The following PALB2 variants were observed in gnomAD, a reference collection of about 807,000 sequenced individuals.
PALB2 encodes the protein partner and localizer of BRCA2, also known as mutant partner and localizer of BRCA2.
PALB2 carries 82 observed loss-of-function variants against 107.4 expected under a neutral mutation model. The observed-to-expected ratio is 0.76, with a 90% CI of 0.64 to 0.92. The LOEUF (loss-of-function observed/expected upper bound fraction) is 0.92. PALB2 is among the 40% of genes least tolerant of loss of function. The probability of loss-of-function intolerance (pLI) is 0.00; values close to 1 mark genes in which losing one functional copy is unlikely to be tolerated. For synonymous variants in PALB2, 489 were observed against 496.8 expected (o/e 0.98, Z 0.21); for missense variants, 1,374 against 1,379.9 (o/e 1.00, Z 0.07).
chr16:23,640,867 T>C (rs1214644215), intron 1 of PALB2: 2 of 513,610 alleles, frequency 3.9e-6, no homozygotes, highest in Non-Finnish European at 7.0e-6. Context: ...TACAGCTTTA[T>C]CTACAAACTG....
intron 11 of PALB2, among the ~76,000 whole-genome samples, chr16:23,610,226 A>G (rs1179031198): frequency 6.6e-6 from 1 of 152,178 alleles, no homozygotes; most frequent in Non-Finnish European, 1.5e-5. Flanking sequence ...AGCACAGCTG[A>G]AAGTATTTGC....
In PALB2 at chr16:23,603,236, G is replaced by A. The variant is rs753201862; in HGVS notation, c.*223C>T. The A allele has an allele frequency of 5.6e-5, 29 of 516,556 alleles. No homozygotes were observed. The highest frequency in any genetic ancestry group is 8.4e-5 in the Non-Finnish European group (24 of 287,126). 32.0% of individuals were successfully genotyped at this position (516,556 alleles called of 1,614,324 possible). On this transcript the variant is annotated 3_prime_UTR_variant, in exon 13 of 13. Coordinates refer to ENST00000261584, the MANE Select transcript of PALB2 (RefSeq NM_024675.4). Reference sequence around the variant, plus strand: ...TTTAAAAGCACATGTACAAATGTGGGAAATTACAAAAATCAACCTAAAACC... The same window carrying A: ...TTTAAAAGCACATGTACAAATGTGGAAAATTACAAAAATCAACCTAAAACC...
Position 23,636,152 on chromosome 16 carries a change from C to T in PALB2, c.394G>A (p.Val132Ile), listed in dbSNP as rs1555461807. Reference sequence around the variant, plus strand: ...TTTTGCTCACCACTAGGGTCACTGACCCTGTGGGGAAAATGTTCTTGGGTG... The same window carrying T: ...TTTTGCTCACCACTAGGGTCACTGATCCTGTGGGGAAAATGTTCTTGGGTG... The part of the protein sequence containing the change: ...DDTQEHFPHR[V>I]SDPSGEQKQK... The change falls in exon 4 of 13, where the codon GTC becomes ATC. Residue 132 changes from valine to isoleucine, a missense_variant. Coordinates refer to ENST00000261584, the MANE Select transcript of PALB2 (RefSeq NM_024675.4). 1 of 1,612,538 alleles carries T rather than the reference C, an allele frequency of 6.2e-7. No individual in the cohort carries two copies.
intron 4 of PALB2, among the ~76,000 whole-genome samples, chr16:23,631,199 G>A (rs1168498201): frequency 1.4e-5 from 2 of 140,344 alleles, no homozygotes; most frequent in Non-Finnish European, 3.0e-5. Context: ...AGAATGGCGT[G>A]AACCCAGGAG....
At chr16:23,636,447 A>G in intron 3 of PALB2, 113 bp from the exon 4 acceptor site, 1 of 754,936 alleles carries the variant, frequency 1.3e-6, no homozygotes, top group Non-Finnish European at 2.0e-6. Flanking sequence ...TTAAGAAAGA[A>G]TCAGTGACAT....
chr16:23,623,847 G>C (rs1244957070), intron 8 of PALB2, 162 bp downstream of exon 8: 1 of 636,328 alleles, frequency 1.6e-6, no homozygotes, highest in Non-Finnish European at 2.8e-6. Context: ...AGAAACTTCA[G>C]TCAGGGATGT....
intron 9 of PALB2, among the ~76,000 whole-genome samples, chr16:23,622,162 T>C (rs1024632309): frequency 9.8e-5 from 15 of 152,288 alleles, no homozygotes; most frequent in Admixed American, 3.3e-4. Flanking sequence ...GAGTATATAA[T>C]AGAGAAGATG....
intron 10 of PALB2, among the ~76,000 whole-genome samples, chr16:23,614,389 A>AT (rs777036233): frequency 2.6e-5 from 4 of 152,162 alleles, no homozygotes; most frequent in Non-Finnish European, 5.9e-5. Context: ...AATCAGGCAC[A>AT]TGGTATAGCA....
At chr16:23,626,445 T>A (rs1260047262) in intron 6 of PALB2, 48 bp from the exon 7 acceptor site, 2 of 1,602,598 alleles carry the variant, frequency 1.2e-6, no homozygotes, top group Non-Finnish European at 1.7e-6. Context: ...GAGTGCTGTT[T>A]TATGCAAAGC....
In PALB2 at chr16:23,603,640, C is replaced by T. The variant is rs759944815; in HGVS notation, c.3380G>A (p.Cys1127Tyr). Residue 1127 changes from cysteine to tyrosine, a missense_variant, in exon 13 of 13, where the codon TGT becomes TAT. Coordinates refer to ENST00000261584, the MANE Select transcript of PALB2 (RefSeq NM_024675.4). ...TCCAGAAGTCAAGATTGCTGCTGCA[C>T]AGTGATCTTTCACGTCACCTTCCAG... Reference protein sequence around the residue: ...RFLEGDVKDHCAAAILTSGTI... With the variant: ...RFLEGDVKDHYAAAILTSGTI... The T allele has an allele frequency of 1.2e-6, 2 of 1,613,384 alleles. No individual in the cohort carries two copies. Among genetic ancestry groups the T allele is most frequent in the South Asian group, 2.2e-5 (2 of 91,054 alleles).
rs373415811 is a variant in PALB2 at position 23,628,795 on chromosome 16, G to A, written c.2586+409C>T. 5.3e-4 allele frequency among the ~76,000 whole-genome samples: 81 copies of A among 152,104 alleles called. 3 individuals are homozygous for A. Among genetic ancestry groups the A allele is most frequent in the African/African-American group, 1.4e-3 (58 of 41,502 alleles). ...ATTATAGGCGCCCACCACCACGCCC[G>A]GCTAATTTTTGTATTTTTAGTAGAG... On this transcript the variant is annotated intron_variant, in intron 6 of 12. Transcript: ENST00000261584.
chr16:23,607,242 C>T (rs1966492947), intron 12 of PALB2: 1 of 151,534 alleles, frequency 6.6e-6, no homozygotes, highest in Non-Finnish European at 1.5e-5. Flanking sequence ...GGAAAGAACA[C>T]AAATTATGTT....
At chr16:23,605,648 A>G (rs895987337) in intron 12 of PALB2, among the ~76,000 whole-genome samples, 3 of 152,166 alleles carry the variant, frequency 2.0e-5, no homozygotes, top group Admixed American at 2.0e-4. Flanking sequence ...ACCTCAAGTG[A>G]TCTGCCCGCC....
chr16:23,633,175 T>C (rs1029280864), intron 4 of PALB2, among the ~76,000 whole-genome samples: 1 of 152,248 alleles, frequency 6.6e-6, no homozygotes, highest in South Asian at 2.1e-4. Flanking sequence ...CTTTGTATCC[T>C]TGTTCGCTTA....
intron 6 of PALB2, among the ~76,000 whole-genome samples, chr16:23,628,415 T>C (rs987122014): frequency 4.6e-5 from 7 of 152,224 alleles, no homozygotes; most frequent in Non-Finnish European, 1.5e-5. Context: ...TTCACACCAG[T>C]GATTCTCTGG....
Position 23,636,234 on chromosome 16 carries a change from A to G in PALB2, c.312T>C (p.Pro104=), listed in dbSNP as rs749203259. The part of the protein sequence containing the change: ...EKTSITLDVG[P]ESFNPGDGPG... ...GGCCATCTCCAGGGTTAAAGGACTC[A>G]GGCCCAACATCAAGTGTGATAGATG... The change falls in exon 4 of 13, where the codon CCT becomes CCC. Residue 104 remains proline (P), a synonymous_variant. Coordinates refer to ENST00000261584, the MANE Select transcript of PALB2 (RefSeq NM_024675.4). 68 of 1,613,696 alleles carry G rather than the reference A, an allele frequency of 4.2e-5. No homozygotes were observed. Among genetic ancestry groups the G allele is most frequent in the Non-Finnish European group, 5.8e-5 (68 of 1,179,968 alleles).
rs367995998 is a variant in PALB2 at position 23,620,786 on chromosome 16, A to C, written c.3113+576T>G. Among the ~76,000 whole-genome samples the C allele has an allele frequency of 9.2e-5, 14 of 152,348 alleles. 1 individual carries two copies. The highest frequency in any genetic ancestry group is 3.4e-4 in the African/African-American group (14 of 41,590). ...ATATAGTATCTGACAAAAAAACCACAATCAGGCCGGGCGCAGTGGCTCATG... is the reference window on the plus strand; with the variant it reads ...ATATAGTATCTGACAAAAAAACCACCATCAGGCCGGGCGCAGTGGCTCATG... On this transcript the variant is annotated intron_variant, in intron 10 of 12. Transcript: ENST00000261584.
In PALB2 at chr16:23,608,825, T is replaced by C. The variant is rs201724419; in HGVS notation, c.3202-813A>G. Among the ~76,000 whole-genome samples, 571 of 106,054 alleles carry C rather than the reference T, an allele frequency of 5.4e-3. 6 individuals are homozygous for C. Among genetic ancestry groups the C allele is most frequent in the African/African-American group, 0.022 (506 of 23,400 alleles). 69.6% of individuals were successfully genotyped at this position (106,054 alleles called of 152,430 possible). A position where few individuals can be genotyped will look rare whatever the true frequency, so the allele number is the denominator to read the frequency against. On this transcript the variant is annotated intron_variant, in intron 11 of 12. Transcript: ENST00000261584. ...ATACACACACACACACACACACACA[T>C]ATATACAGATTTTTTTTTTTTGAGA...
intron 11 of PALB2, among the ~76,000 whole-genome samples, chr16:23,608,801 T>TATATATATACACACACACAC (rs560756242): frequency 1.2e-4 from 17 of 143,810 alleles, no homozygotes; most frequent in South Asian, 8.8e-4. Flanking sequence ...TGTATATATA[T>TATATATATACACACACACAC]ACACACACAC....
Sources: gnomAD v4.1 joint callset for allele counts (sites outside exome capture counted in the v4.1 genomes callset) on GRCh38, gnomAD v4.1.1 for gene constraint, MANE v1.5 for transcripts, NCBI Gene and HGNC (gene_info 2026-07-23, HGNC 2026-07-21) for gene names.